Variants in DPYD observed in about 807,000 individuals in gnomAD.
DPYD encodes the protein dihydropyrimidine dehydrogenase, also known as dihydropyrimidine dehydrogenase [NADP(+)].
In DPYD, 109 loss-of-function variants were observed where a neutral mutation model predicts 116.2. That is an observed-to-expected ratio of 0.94 (90% CI 0.80 to 1.10). The LOEUF is 1.10. Ranked by LOEUF, DPYD falls within the 50% of genes least tolerant of loss-of-function variation. The pLI is 0.00. For missense variants in DPYD, 1,302 were observed against 1,254.5 expected (o/e 1.04, Z -0.57); for synonymous variants, 440 against 432.0 (o/e 1.02, Z -0.23).
At chr1:97,818,929 C>T (rs570465271) in intron 3 of DPYD, among the ~76,000 whole-genome samples, 6 of 151,852 alleles carry the variant, frequency 4.0e-5, no homozygotes, top group East Asian at 1.9e-4. Context: ...TCAAGGTACA[C>T]GAAATTAATC....
chr1:97,809,294 A>AACACAT (rs1255363971), intron 3 of DPYD, among the ~76,000 whole-genome samples: 9 of 152,164 alleles, frequency 5.9e-5, no homozygotes, highest in Non-Finnish European at 1.3e-4. Flanking sequence ...CTACCTCTCC[A>AACACAT]ACACATACAC....
At chr1:97,358,645 C>T (rs543340726) in intron 16 of DPYD, among the ~76,000 whole-genome samples, 78 of 152,208 alleles carry the variant, frequency 5.1e-4, no homozygotes, top group Non-Finnish European at 1.5e-4. Flanking sequence ...CTGCAGCCTC[C>T]GCTGGTGACA....
intron 14 of DPYD, among the ~76,000 whole-genome samples, chr1:97,385,033 T>C (rs1399841291): frequency 1.3e-5 from 2 of 152,098 alleles, no homozygotes; most frequent in African/African-American, 4.8e-5. Flanking sequence ...GCTTGTTCCA[T>C]GGCCTTTTCC....
intron 14 of DPYD, among the ~76,000 whole-genome samples, chr1:97,445,397 G>A (rs960609204): frequency 6.6e-6 from 1 of 152,168 alleles, no homozygotes; most frequent in Non-Finnish European, 1.5e-5. Flanking sequence ...TGTTTGTTCA[G>A]CACACATGCA....
At chr1:97,909,225 G>C (rs1419292746) in intron 1 of DPYD, among the ~76,000 whole-genome samples, 2 of 151,936 alleles carry the variant, frequency 1.3e-5, no homozygotes, top group Non-Finnish European at 2.9e-5. Flanking sequence ...CCATCCATTG[G>C]AAGAGGGAAC....
chr1:97,125,861 G>C (rs780742912), intron 20 of DPYD, among the ~76,000 whole-genome samples: 10 of 152,024 alleles, frequency 6.6e-5, no homozygotes, highest in Non-Finnish European at 1.3e-4. Context: ...TTATAAGCCT[G>C]ATTTATAATA....
At chr1:97,688,114 G>C (rs1660829783) in intron 7 of DPYD, among the ~76,000 whole-genome samples, 1 of 152,120 alleles carries the variant, frequency 6.6e-6, no homozygotes, top group Admixed American at 6.5e-5. Flanking sequence ...TCCTGCACGT[G>C]CATCCTGGAA....
Position 97,134,557 on chromosome 1 carries a change from G to T in DPYD, c.2623-35925C>A, listed in dbSNP as rs114201508. Reference sequence around the variant, plus strand: ...TTAAATGAATTGAATTAACATTTATGCCATTTTACCAAGTTTGGGGAGGAA... The same window carrying T: ...TTAAATGAATTGAATTAACATTTATTCCATTTTACCAAGTTTGGGGAGGAA... On this transcript the variant is annotated intron_variant, in intron 20 of 22. Transcript: ENST00000370192. Among the ~76,000 whole-genome samples the T allele has an allele frequency of 8.7e-3, 1,318 of 152,228 alleles. 23 individuals carry two copies. The highest frequency in any genetic ancestry group is 0.03 in the African/African-American group (1,239 of 41,548).
intron 4 of DPYD, among the ~76,000 whole-genome samples, chr1:97,736,817 CAG>C (rs1663970034): frequency 6.7e-6 from 1 of 149,416 alleles, no homozygotes. Flanking sequence ...AGGAATATAA[CAG>C]AGATAGAGGT....
chr1:97,331,180 C>G (rs761458732), intron 16 of DPYD, among the ~76,000 whole-genome samples: 3 of 151,916 alleles, frequency 2.0e-5, no homozygotes, highest in Non-Finnish European at 1.5e-5. Flanking sequence ...TTTTTGCAAA[C>G]CTATATATTG....
intron 20 of DPYD, among the ~76,000 whole-genome samples, chr1:97,158,065 AC>A (rs1219720885): frequency 6.6e-6 from 1 of 152,060 alleles, no homozygotes; most frequent in Non-Finnish European, 1.5e-5. Context: ...AACAAAAATG[AC>A]CCTGAAAAGT....
intron 8 of DPYD, among the ~76,000 whole-genome samples, chr1:97,604,186 G>C (rs1655433809): frequency 6.6e-6 from 1 of 152,086 alleles, no homozygotes; most frequent in South Asian, 2.1e-4. Flanking sequence ...CAGTTCAGAA[G>C]GATAAGATCT....
At chr1:97,349,470 A>G (rs917847398) in intron 16 of DPYD, among the ~76,000 whole-genome samples, 1 of 152,092 alleles carries the variant, frequency 6.6e-6, no homozygotes, top group Admixed American at 6.6e-5. Context: ...AGCATTTGGT[A>G]TATCTCCTAA....
intron 18 of DPYD, among the ~76,000 whole-genome samples, chr1:97,278,200 C>T (rs942909247): frequency 2.0e-5 from 3 of 152,166 alleles, no homozygotes; most frequent in Non-Finnish European, 1.5e-5. Flanking sequence ...CTGTCTTGAG[C>T]AATACCTAAC....
chr1:97,651,940 CA>C (rs1293200617), intron 8 of DPYD, among the ~76,000 whole-genome samples: 10 of 151,908 alleles, frequency 6.6e-5, no homozygotes, highest in Non-Finnish European at 1.3e-4. Flanking sequence ...CAAAGAAAGG[CA>C]ATTTATCTAC....
At chr1:97,195,284 C>T (rs1247907479) in intron 19 of DPYD, among the ~76,000 whole-genome samples, 2 of 151,276 alleles carry the variant, frequency 1.3e-5, no homozygotes, top group African/African-American at 4.9e-5. Context: ...GCAATGGCAG[C>T]CAACAAAGAA....
At chr1:97,744,064 G>A (rs2101079007) in intron 3 of DPYD, among the ~76,000 whole-genome samples, 1 of 151,972 alleles carries the variant, frequency 6.6e-6, no homozygotes, top group East Asian at 1.9e-4. Context: ...TTGTCGAAGA[G>A]CAAAATATAG....
intron 19 of DPYD, among the ~76,000 whole-genome samples, chr1:97,213,792 C>T (rs887968672): frequency 3.9e-5 from 6 of 152,112 alleles, no homozygotes; most frequent in Non-Finnish European, 7.4e-5. Flanking sequence ...TTATTTGTTT[C>T]CTTGTCTTCT....
At chr1:97,209,497 C>T (rs990825293) in intron 19 of DPYD, among the ~76,000 whole-genome samples, 2 of 152,014 alleles carry the variant, frequency 1.3e-5, no homozygotes, top group Non-Finnish European at 2.9e-5. Flanking sequence ...TGTGTAAGAC[C>T]AGGCATGTGT....
Sources: allele counts gnomAD v4.1 joint callset (sites outside exome capture counted in the v4.1 genomes callset), GRCh38; gene constraint gnomAD v4.1.1; transcripts MANE v1.5; gene names NCBI Gene and HGNC (gene_info 2026-07-23, HGNC 2026-07-21).